Variants in CREM observed in about 807,000 individuals in gnomAD.
The protein encoded by CREM is cAMP responsive element modulator, also known as cAMP-responsive element modulator.
A neutral mutation model predicts 37.3 loss-of-function variants in CREM; 13 were observed. That is an observed-to-expected ratio of 0.35 (90% CI 0.23 to 0.55). The LOEUF (loss-of-function observed/expected upper bound fraction) is 0.55. Ranked by LOEUF, CREM falls within the 20% of genes least tolerant of loss-of-function variation. The pLI is 0.88. For synonymous variants in CREM, 124 were observed against 120.2 expected, an observed-to-expected ratio of 1.03 and a Z score of -0.21; for missense variants, 296 against 362.3, an observed-to-expected ratio of 0.82 and a Z score of 1.49.
intron 3 of CREM, chr10:35,158,396 C>CG (rs2093049248): frequency 1.1e-5 from 3 of 276,662 alleles, no homozygotes; most frequent in Non-Finnish European, 2.2e-5. Context: ...GCAGATGAAC[C>CG]GGGGGCTGAA....
chr10:35,188,108 T>C, intron 5 of CREM, 92 bp from the exon 6 acceptor site: 2 of 1,230,874 alleles, frequency 1.6e-6, no homozygotes, highest in East Asian at 2.6e-5. Context: ...GAAGCAATGG[T>C]AATAAATAGA....
chr10:35,180,754 T>C (rs1383061480), intron 5 of CREM, among the ~76,000 whole-genome samples: 1 of 152,216 alleles, frequency 6.6e-6, no homozygotes. Flanking sequence ...ATATGCCAGC[T>C]GATGAGCCTC....
chr10:35,155,560 A>G (rs889896316), intron 3 of CREM, among the ~76,000 whole-genome samples: 1 of 152,190 alleles, frequency 6.6e-6, no homozygotes, highest in Non-Finnish European at 1.5e-5. Flanking sequence ...TGAAATTTGA[A>G]AAAAGAAACA....
intron 3 of CREM, among the ~76,000 whole-genome samples, chr10:35,169,932 AG>A (rs1162255696): frequency 2.0e-5 from 3 of 150,170 alleles, no homozygotes; most frequent in African/African-American, 7.3e-5. Context: ...CTTGCATCCC[AG>A]GAATGAAGCC....
chr10:35,163,924 C>A (rs2093414944), intron 3 of CREM, among the ~76,000 whole-genome samples: 2 of 151,326 alleles, frequency 1.3e-5, no homozygotes, highest in Non-Finnish European at 2.9e-5. Flanking sequence ...ATCGCTTGAG[C>A]CTGGGAAGCT....
At chr10:35,142,553 G>T (rs2091569701) in intron 2 of CREM, among the ~76,000 whole-genome samples, 1 of 152,254 alleles carries the variant, frequency 6.6e-6, no homozygotes, top group Non-Finnish European at 1.5e-5. Flanking sequence ...AGCCAAGGAG[G>T]CAAACTCCAT....
chr10:35,128,403 G>A (rs535479878), intron 1 of CREM, among the ~76,000 whole-genome samples: 71 of 152,166 alleles, frequency 4.7e-4, no homozygotes, highest in Non-Finnish European at 8.5e-4. Flanking sequence ...TTGAAACAAA[G>A]ATCTAGATTG....
chr10:35,204,808 A>G (rs1001121947), intron 6 of CREM, among the ~76,000 whole-genome samples: 5 of 152,220 alleles, frequency 3.3e-5, no homozygotes, highest in Non-Finnish European at 5.9e-5. Flanking sequence ...CATATACCCA[A>G]ATAGAAGCAC....
intron 1 of CREM, among the ~76,000 whole-genome samples, chr10:35,134,330 C>G (rs1252327266): frequency 1.3e-5 from 2 of 152,188 alleles, no homozygotes; most frequent in Non-Finnish European, 2.9e-5. Flanking sequence ...AGTTCTCCTG[C>G]CTCACCCTCC....
chr10:35,203,810 C>T (rs1249173329), intron 6 of CREM, among the ~76,000 whole-genome samples: 1 of 151,210 alleles, frequency 6.6e-6, no homozygotes, highest in Non-Finnish European at 1.5e-5. Flanking sequence ...AAACAGCAAA[C>T]GTCTACAGAA....
chr10:35,152,940 A>AT (rs2092684812), intron 3 of CREM, among the ~76,000 whole-genome samples: 1 of 152,220 alleles, frequency 6.6e-6, no homozygotes, highest in Non-Finnish European at 1.5e-5. Flanking sequence ...AAAGTTAGTA[A>AT]TTATTAAGAT....
chr10:35,183,139 G>A (rs1340044041), intron 5 of CREM, among the ~76,000 whole-genome samples: 1 of 151,930 alleles, frequency 6.6e-6, no homozygotes, highest in Non-Finnish European at 1.5e-5. Flanking sequence ...TCCCACAAAT[G>A]GCCCTTGTCT....
chr10:35,177,976 T>A (rs974857221), intron 3 of CREM, among the ~76,000 whole-genome samples: 3 of 152,186 alleles, frequency 2.0e-5, no homozygotes, highest in African/African-American at 7.2e-5. Flanking sequence ...ACGAGTCATA[T>A]GTGGAGGTGA....
intron 2 of CREM, among the ~76,000 whole-genome samples, chr10:35,141,670 T>C (rs2091450285): frequency 6.6e-6 from 1 of 152,092 alleles, no homozygotes; most frequent in African/African-American, 2.4e-5. Context: ...CATATTGGAT[T>C]TTGGAATTGA....
At chr10:35,201,641 TAAA>T (rs80113848) in intron 6 of CREM, among the ~76,000 whole-genome samples, 1 of 141,898 alleles carries the variant, frequency 7.0e-6, no homozygotes, top group African/African-American at 2.6e-5. Flanking sequence ...ATACTGAACC[TAAA>T]AAAAAAAAAA....
intron 6 of CREM, chr10:35,196,143 G>A: frequency 6.2e-7 from 1 of 1,603,810 alleles, no homozygotes; most frequent in Non-Finnish European, 8.5e-7. Context: ...CATGCGCCTG[G>A]TGAGAAATGG....
chr10:35,160,045 C>T (rs2093191348), intron 3 of CREM, among the ~76,000 whole-genome samples: 1 of 151,742 alleles, frequency 6.6e-6, no homozygotes, highest in South Asian at 2.1e-4. Context: ...CCAACAGAAC[C>T]AATGGTGTGG....
Position 35,211,426 on chromosome 10 carries a change from C to G in CREM, c.*28C>G, listed in dbSNP as rs1418484836. 6.2e-7 allele frequency: 1 copy of G among 1,604,780 alleles called. No individual in the cohort carries two copies. The highest frequency in any genetic ancestry group is 8.5e-7 in the Non-Finnish European group (1 of 1,175,342). ...GTCTTTGACTTGGACCTTGTTTACTCTAATCAAGGCAGGAGATGCAGCAGT... is the reference window on the plus strand; with the variant it reads ...GTCTTTGACTTGGACCTTGTTTACTGTAATCAAGGCAGGAGATGCAGCAGT... On this transcript the variant is annotated 3_prime_UTR_variant, in exon 8 of 8. Transcript: ENST00000685392.
At chr10:35,134,454 C>T (rs993211472) in intron 1 of CREM, among the ~76,000 whole-genome samples, 1 of 152,026 alleles carries the variant, frequency 6.6e-6, no homozygotes, top group Non-Finnish European at 1.5e-5. Context: ...TGACCTCAGG[C>T]GATCTGCCCG....
Sources: allele counts gnomAD v4.1 joint callset (sites outside exome capture counted in the v4.1 genomes callset), GRCh38; gene constraint gnomAD v4.1.1; transcripts MANE v1.5; gene names NCBI Gene and HGNC (gene_info 2026-07-23, HGNC 2026-07-21).